The following CACNA2D3 variants were observed in gnomAD, a reference collection of about 807,000 sequenced individuals.
CACNA2D3 encodes the protein voltage-dependent calcium channel subunit alpha-2/delta-3.
A neutral mutation model predicts 160.6 loss-of-function variants in CACNA2D3; 60 were observed. The observed-to-expected ratio is 0.37, with a 90% confidence interval of 0.30 to 0.46. The LOEUF (loss-of-function observed/expected upper bound fraction) is 0.46. CACNA2D3 is among the 20% of genes least tolerant of loss of function. The probability of loss-of-function intolerance (pLI) is 1.00; values close to 1 mark genes in which losing one functional copy is unlikely to be tolerated. For missense variants in CACNA2D3, 1,205 were observed against 1,365.0 expected, an observed-to-expected ratio of 0.88 and a Z score of 1.85; for synonymous variants, 558 against 492.9, an observed-to-expected ratio of 1.13 and a Z score of -1.75.
chr3:54,467,927 A>G (rs891136013), intron 4 of CACNA2D3, among the ~76,000 whole-genome samples: 4 of 152,220 alleles, frequency 2.6e-5, no homozygotes, highest in South Asian at 2.1e-4. Context: ...GGATATGGTA[A>G]TTATGCTGAT....
chr3:54,601,206 T>G (rs748279593), intron 9 of CACNA2D3, among the ~76,000 whole-genome samples: 13 of 152,094 alleles, frequency 8.5e-5, no homozygotes, highest in Non-Finnish European at 1.6e-4. Context: ...ATTGTTTTGT[T>G]TTGGTTTTCT....
At chr3:54,402,842 C>T (rs1699495245) in intron 4 of CACNA2D3, among the ~76,000 whole-genome samples, 1 of 152,166 alleles carries the variant, frequency 6.6e-6, no homozygotes, top group African/African-American at 2.4e-5. Context: ...TTCTCTAGTG[C>T]ACGTGGAACA....
intron 2 of CACNA2D3, among the ~76,000 whole-genome samples, chr3:54,315,885 T>G (rs1347181414): frequency 6.6e-6 from 1 of 152,258 alleles, no homozygotes; most frequent in African/African-American, 2.4e-5. Context: ...TAAAGGAATC[T>G]GTTTATTAGG....
intron 2 of CACNA2D3, among the ~76,000 whole-genome samples, chr3:54,190,642 C>T (rs1278401513): frequency 6.6e-6 from 1 of 152,230 alleles, no homozygotes; most frequent in East Asian, 1.9e-4. Flanking sequence ...CTTCCCATCT[C>T]TTTCACTTTG....
rs1413896056 is a variant in CACNA2D3 at position 54,735,989 on chromosome 3, A to C, written c.1168-16610A>C. Among the ~76,000 whole-genome samples the C allele has an allele frequency of 4.5e-3, 425 of 93,476 alleles. 22 individuals are homozygous for C. Among genetic ancestry groups the C allele is most frequent in the Non-Finnish European group, 6.7e-3 (281 of 41,650 alleles). The allele number at this position is 93,476 out of a possible 152,430, so 61.3% of individuals were successfully genotyped here. ...ATTATTTTTCCATGCATGTATATAT[A>C]TATACATATATATATATGTATATAT... On this transcript the variant is annotated intron_variant, in intron 11 of 37. Coordinates refer to ENST00000474759, the MANE Select transcript of CACNA2D3 (RefSeq NM_018398.3).
chr3:54,702,451 T>G (rs986691421), intron 11 of CACNA2D3, among the ~76,000 whole-genome samples: 1 of 152,116 alleles, frequency 6.6e-6, no homozygotes, highest in Non-Finnish European at 1.5e-5. Context: ...GAACAGACAC[T>G]TCTCAAAAAA....
intron 27 of CACNA2D3, among the ~76,000 whole-genome samples, chr3:54,910,412 A>G (rs1199254952): frequency 6.6e-6 from 1 of 152,112 alleles, no homozygotes; most frequent in African/African-American, 2.4e-5. Flanking sequence ...TCCACAATGA[A>G]ATATTCCTCA....
intron 9 of CACNA2D3, among the ~76,000 whole-genome samples, chr3:54,610,302 A>G (rs1438927369): frequency 6.6e-6 from 1 of 152,212 alleles, no homozygotes; most frequent in Non-Finnish European, 1.5e-5. Context: ...GTACTTTGCA[A>G]TGATTGGGAT....
At chr3:54,270,593 G>T (rs994460001) in intron 2 of CACNA2D3, among the ~76,000 whole-genome samples, 5 of 152,182 alleles carry the variant, frequency 3.3e-5, no homozygotes, top group Non-Finnish European at 5.9e-5. Context: ...TTATCTTACA[G>T]TTCCATAGGT....
chr3:54,829,850 T>C (rs966919850), intron 14 of CACNA2D3, among the ~76,000 whole-genome samples: 2 of 149,200 alleles, frequency 1.3e-5, no homozygotes, highest in African/African-American at 2.4e-5. Flanking sequence ...TGTCACATTC[T>C]CAGATTCTGC....
At chr3:54,879,519 T>C in intron 20 of CACNA2D3, 108 bp downstream of exon 20, 2 of 816,426 alleles carry the variant, frequency 2.4e-6, no homozygotes, top group South Asian at 1.8e-5. Flanking sequence ...CCAAACACCC[T>C]GCCAAAAGGC....
chr3:54,443,065 G>C (rs569655773), intron 4 of CACNA2D3, among the ~76,000 whole-genome samples: 1 of 152,166 alleles, frequency 6.6e-6, no homozygotes, highest in South Asian at 2.1e-4. Flanking sequence ...AAGGTGTAAT[G>C]TACTGGAAAC....
chr3:54,503,739 T>C (rs1701327480), intron 5 of CACNA2D3, 85 bp downstream of exon 5: 1 of 1,271,094 alleles, frequency 7.9e-7, no homozygotes, highest in Non-Finnish European at 1.1e-6. Flanking sequence ...GGATATAGTT[T>C]TGGTTTGTTT....
intron 35 of CACNA2D3, among the ~76,000 whole-genome samples, chr3:55,049,029 T>A (rs1313690670): frequency 6.6e-6 from 1 of 150,444 alleles, no homozygotes; most frequent in Non-Finnish European, 1.5e-5. Context: ...GTCTATCAAT[T>A]TTGTTGATCC....
At chr3:54,717,769 T>G (rs1395244520) in intron 11 of CACNA2D3, among the ~76,000 whole-genome samples, 2 of 138,676 alleles carry the variant, frequency 1.4e-5, no homozygotes, top group Non-Finnish European at 3.1e-5. Flanking sequence ...AGCGTGTGTG[T>G]GGTGTGTGTG....
chr3:54,333,767 G>T (rs1282954265), intron 3 of CACNA2D3, among the ~76,000 whole-genome samples: 2 of 152,236 alleles, frequency 1.3e-5, no homozygotes, highest in Admixed American at 6.5e-5. Context: ...GTTCAGGATT[G>T]TCCTGTTTAG....
chr3:54,549,587 C>T (rs527446335), intron 5 of CACNA2D3, among the ~76,000 whole-genome samples: 3 of 152,292 alleles, frequency 2.0e-5, no homozygotes, highest in East Asian at 1.9e-4. Context: ...TGTGTAGTGA[C>T]GTGTGATGCT....
At chr3:54,997,367 A>T (rs1379244081) in intron 31 of CACNA2D3, among the ~76,000 whole-genome samples, 4 of 152,198 alleles carry the variant, frequency 2.6e-5, no homozygotes, top group Middle Eastern at 3.4e-3. Context: ...CTAATGAAAT[A>T]TTGCAGATAG....
intron 27 of CACNA2D3, among the ~76,000 whole-genome samples, chr3:54,918,018 A>C (rs902370544): frequency 6.6e-6 from 1 of 152,220 alleles, no homozygotes; most frequent in African/African-American, 2.4e-5. Context: ...CCCATCGGGT[A>C]AGATCACCAG....
Sources: allele counts gnomAD v4.1 joint callset (sites outside exome capture counted in the v4.1 genomes callset), GRCh38; gene constraint gnomAD v4.1.1; transcripts MANE v1.5; gene names NCBI Gene and HGNC (gene_info 2026-07-23, HGNC 2026-07-21).